SDK1: variants seen among roughly 807,000 people sequenced by gnomAD.
SDK1 encodes sidekick cell adhesion molecule 1, also known as protein sidekick-1.
SDK1 carries 157 observed loss-of-function variants against 245.5 expected under a neutral mutation model. The ratio of observed to expected loss-of-function variants is 0.64; its 90% CI spans 0.56 to 0.73. The LOEUF (loss-of-function observed/expected upper bound fraction) is 0.73, where lower values mean the gene tolerates loss of function less well. Ranked by LOEUF, SDK1 falls within the 30% of genes least tolerant of loss-of-function variation. The pLI, the probability that SDK1 is intolerant of heterozygous loss-of-function variation, is 0.00. For synonymous variants in SDK1, 1,647 were observed against 1,278.5 expected (o/e 1.29, Z -6.15); for missense variants, 3,583 against 3,002.3 (o/e 1.19, Z -4.52).
intron 11 of SDK1, 91 bp from the exon 12 acceptor site, chr7:3,971,375 T>G (rs1782474333): frequency 1.2e-6 from 1 of 812,858 alleles, no homozygotes; most frequent in African/African-American, 1.7e-5. Context: ...TCGGAGGTTG[T>G]GATGTCAGAT....
intron 5 of SDK1, among the ~76,000 whole-genome samples, chr7:3,890,197 C>T (rs1043431420): frequency 5.4e-4 from 82 of 152,206 alleles, no homozygotes; most frequent in African/African-American, 1.8e-3. Context: ...GCTCTTTTCA[C>T]CTGTGGCCTT....
At chr7:3,528,710 T>A (rs915256624) in intron 1 of SDK1, among the ~76,000 whole-genome samples, 2 of 152,032 alleles carry the variant, frequency 1.3e-5, no homozygotes, top group Admixed American at 1.3e-4. Context: ...GAAGGCGTAA[T>A]ACACAGGACT....
chr7:3,353,995 CTTT>C (rs533694234), intron 1 of SDK1, among the ~76,000 whole-genome samples: 2 of 139,058 alleles, frequency 1.4e-5, no homozygotes, highest in Non-Finnish European at 3.1e-5. Flanking sequence ...TTTTTCTTTT[CTTT>C]TTTTTTTTTT....
chr7:4,256,352 G>A (rs557246847), intron 44 of SDK1, among the ~76,000 whole-genome samples: 2 of 152,224 alleles, frequency 1.3e-5, no homozygotes, highest in African/African-American at 4.8e-5. Flanking sequence ...TAGTAACTCT[G>A]ATATTCAGAG....
intron 1 of SDK1, among the ~76,000 whole-genome samples, chr7:3,369,597 C>T (rs1451452729): frequency 6.6e-6 from 1 of 152,164 alleles, no homozygotes; most frequent in Non-Finnish European, 1.5e-5. Flanking sequence ...TCTTTTACAT[C>T]TCCTATTGAA....
intron 1 of SDK1, among the ~76,000 whole-genome samples, chr7:3,468,749 G>A (rs989593586): frequency 2.0e-5 from 3 of 152,148 alleles, no homozygotes; most frequent in Admixed American, 6.5e-5. Context: ...TTTCTTGAGT[G>A]TTGTCCGTAT....
chr7:4,263,485 TCTCTCCTGAGTGGGGAGGCCACGTAGAC>T, intron 44 of SDK1, among the ~76,000 whole-genome samples: 1 of 94,000 alleles, frequency 1.1e-5, no homozygotes, highest in East Asian at 3.8e-4. Context: ...TCCGCGTAGA[TCTCTCCTGAGTGGGGAGGCCACGTAGAC>T]CTCTCCTGAG....
intron 1 of SDK1, among the ~76,000 whole-genome samples, chr7:3,345,819 A>G (rs1780477072): frequency 6.6e-6 from 1 of 152,186 alleles, no homozygotes; most frequent in Non-Finnish European, 1.5e-5. Flanking sequence ...AGCTTCTCGC[A>G]GTAATGTTTG....
At chr7:3,436,408 T>C (rs1780022203) in intron 1 of SDK1, among the ~76,000 whole-genome samples, 1 of 152,206 alleles carries the variant, frequency 6.6e-6, no homozygotes, top group African/African-American at 2.4e-5. Flanking sequence ...TTTTAGATTT[T>C]ATATTTCCCT....
chr7:4,018,418 G>A (rs1164831966), intron 17 of SDK1, among the ~76,000 whole-genome samples: 4 of 152,180 alleles, frequency 2.6e-5, no homozygotes, highest in Admixed American at 2.6e-4. Flanking sequence ...AGTGCAGTCA[G>A]TTCTGCCTGC....
At chr7:3,850,610 A>T (rs189241067) in intron 5 of SDK1, among the ~76,000 whole-genome samples, 288 of 152,326 alleles carry the variant, frequency 1.9e-3, no homozygotes, top group African/African-American at 6.3e-3. Context: ...ACCAACCCAA[A>T]TGTCCATCAG....
chr7:3,941,407 C>A (rs1195979029), intron 5 of SDK1, among the ~76,000 whole-genome samples: 1 of 152,112 alleles, frequency 6.6e-6, no homozygotes, highest in East Asian at 1.9e-4. Flanking sequence ...GTCCACACTC[C>A]TGAGTGTGGC....
At chr7:3,451,580 A>C (rs570564649) in intron 1 of SDK1, among the ~76,000 whole-genome samples, 122 of 151,816 alleles carry the variant, frequency 8.0e-4, no homozygotes, top group Non-Finnish European at 1.6e-3. Flanking sequence ...ATTTCATCTA[A>C]TTTCCATTAT....
rs182816327 is a variant in SDK1, at chr7:4,210,627, C to T, written c.5539+465C>T. 2.0e-5 allele frequency among the ~76,000 whole-genome samples: 3 copies of T among 152,312 alleles called. No homozygotes were observed. In the East Asian group the frequency reaches 5.8e-4, roughly 29 times the overall value. ...ATCCCCGTGTCTTAGCACCCTGGTG[C>T]TCCCCTCGCTCATCCGTCCCCTCAG... On this transcript the variant is annotated intron_variant, in intron 38 of 44. Coordinates refer to ENST00000404826, the MANE Select transcript of SDK1 (RefSeq NM_152744.4).
chr7:3,939,535 T>A (rs1780279825), intron 5 of SDK1, among the ~76,000 whole-genome samples: 1 of 152,164 alleles, frequency 6.6e-6, no homozygotes, highest in African/African-American at 2.4e-5. Flanking sequence ...CATCTCAGAA[T>A]TGCCCAGGTT....
chr7:3,975,757 C>G (rs1205458086), intron 13 of SDK1, among the ~76,000 whole-genome samples: 2 of 152,270 alleles, frequency 1.3e-5, no homozygotes, highest in African/African-American at 4.8e-5. Flanking sequence ...AACTCCTGTT[C>G]TGTCTCCTTC....
chr7:3,492,989 C>T (rs190699716), intron 1 of SDK1, among the ~76,000 whole-genome samples: 166 of 152,236 alleles, frequency 1.1e-3, no homozygotes, highest in African/African-American at 3.7e-3. Flanking sequence ...CTTGCTCTCT[C>T]GCCCAGGCTG....
intron 5 of SDK1, among the ~76,000 whole-genome samples, chr7:3,918,983 A>G (rs992768868): frequency 2.0e-4 from 31 of 152,244 alleles, no homozygotes; most frequent in Admixed American, 7.9e-4. Flanking sequence ...AACATTCACC[A>G]TAATCATCAT....
chr7:3,875,243 T>C (rs77501553), intron 5 of SDK1, among the ~76,000 whole-genome samples: 2,326 of 152,214 alleles, frequency 0.015, 67 homozygotes, highest in African/African-American at 0.053. Context: ...TCTGACAGAG[T>C]CAAGAAAAGT....
Sources: allele counts gnomAD v4.1 joint callset (sites outside exome capture counted in the v4.1 genomes callset), GRCh38; gene constraint gnomAD v4.1.1; transcripts MANE v1.5; gene names NCBI Gene and HGNC (gene_info 2026-07-23, HGNC 2026-07-21).